The following ARL5A variants were observed in gnomAD, a reference collection of about 807,000 sequenced individuals.
The protein encoded by ARL5A is ARF like GTPase 5A.
Under a neutral mutation model 25.9 loss-of-function variants are expected in ARL5A, and 18 were observed. The ratio of observed to expected loss-of-function variants is 0.69; its 90% CI spans 0.48 to 1.03. The LOEUF (loss-of-function observed/expected upper bound fraction) is 1.03, where lower values mean the gene tolerates loss of function less well. Among genes scored for constraint, ARL5A ranks in the 50% least tolerant of loss-of-function variants. The pLI is 0.00. For missense variants in ARL5A, 170 were observed against 211.9 expected (o/e 0.80, Z 1.23); for synonymous variants, 61 against 67.5 (o/e 0.90, Z 0.47).
At chr2:151,812,762 T>C (rs2099831008) in intron 3 of ARL5A, among the ~76,000 whole-genome samples, 1 of 151,986 alleles carries the variant, frequency 6.6e-6, no homozygotes, top group African/African-American at 2.4e-5. Context: ...AAGAAAAACA[T>C]GCAATATGAT....
rs1268735467 is a variant in ARL5A at position 151,799,447 on chromosome 2, A to T, written c.*3829T>A. 6.6e-6 allele frequency: 1 copy of T among 152,206 alleles called. No individual in the cohort carries two copies. Among genetic ancestry groups the T allele is most frequent in the Non-Finnish European group, 1.5e-5 (1 of 68,022 alleles). The allele number at this position is 152,206 out of a possible 1,614,324, so 9.4% of individuals were successfully genotyped here. A position where few individuals can be genotyped will look rare whatever the true frequency, so the allele number is the denominator to read the frequency against. On this transcript the variant is annotated 3_prime_UTR_variant, in exon 6 of 6. Transcript: ENST00000295087. ...TGGTTTGGCATCTTTTTCCAAATCA[A>T]ACTGAACTGGTATTCTGTGAAACAT...
At chr2:151,812,583 A>G (rs2099830977) in intron 3 of ARL5A, 143 bp from the exon 4 acceptor site, 1 of 501,882 alleles carries the variant, frequency 2.0e-6, no homozygotes, top group African/African-American at 2.0e-5. Flanking sequence ...CTACCTATAC[A>G]TTGTGAAGCC....
At position 151,828,375 on chromosome 2, in the gene ARL5A, G is replaced by A; in HGVS notation, c.-199C>T. The A allele has an allele frequency of 2.2e-6, 1 of 459,204 alleles. No homozygotes were observed. The highest frequency in any genetic ancestry group is 3.8e-5 in the South Asian group (1 of 26,098). 28.4% of individuals were successfully genotyped at this position (459,204 alleles called of 1,614,324 possible). A position where few individuals can be genotyped will look rare whatever the true frequency, so the allele number is the denominator to read the frequency against. ...CCGCGCGCAAGGCCCCGCCGCTGCC[G>A]CCGCGGCACTCGCCTGGCTCGCGGA... On this transcript the variant is annotated 5_prime_UTR_variant, in exon 1 of 6. Transcript: ENST00000295087.
chr2:151,807,225 A>C (rs537082832), intron 4 of ARL5A, among the ~76,000 whole-genome samples: 1 of 152,108 alleles, frequency 6.6e-6, no homozygotes, highest in Admixed American at 6.5e-5. Flanking sequence ...TATATACACC[A>C]CCCACCCCCT....
At chr2:151,823,666 T>C (rs928318552) in intron 1 of ARL5A, among the ~76,000 whole-genome samples, 4 of 152,232 alleles carry the variant, frequency 2.6e-5, no homozygotes, top group Non-Finnish European at 5.9e-5. Context: ...GCAGATCTCG[T>C]TGGAGGGCAC....
At chr2:151,819,546 T>C (rs1378978021) in intron 1 of ARL5A, among the ~76,000 whole-genome samples, 1 of 152,200 alleles carries the variant, frequency 6.6e-6, no homozygotes, top group Non-Finnish European at 1.5e-5. Context: ...GATTGAATAA[T>C]AGTAGGACAT....
chr2:151,817,057 G>A (rs575535867), intron 1 of ARL5A, among the ~76,000 whole-genome samples: 3 of 152,150 alleles, frequency 2.0e-5, no homozygotes, highest in East Asian at 1.9e-4. Flanking sequence ...CAAGTTGAAG[G>A]GCATCTATAA....
chr2:151,824,988 A>T (rs1355256747), intron 1 of ARL5A, among the ~76,000 whole-genome samples: 1 of 152,228 alleles, frequency 6.6e-6, no homozygotes, highest in Non-Finnish European at 1.5e-5. Flanking sequence ...ATATTAAATC[A>T]AACAACCTGT....
chr2:151,821,775 CTTTTTTTTTTTTTCTTTTTTT>C (rs1479832869), intron 1 of ARL5A, among the ~76,000 whole-genome samples: 1 of 113,542 alleles, frequency 8.8e-6, no homozygotes, highest in Non-Finnish European at 1.8e-5. Context: ...GCCCGGCTTT[CTTTTTTTTTTTTTCTTTTTTT>C]TTTTTTTTTT....
chr2:151,819,558 C>A (rs1031174957), intron 1 of ARL5A, among the ~76,000 whole-genome samples: 1 of 151,998 alleles, frequency 6.6e-6, no homozygotes, highest in Non-Finnish European at 1.5e-5. Context: ...GTAGGACATA[C>A]CAGTGGAAAA....
intron 1 of ARL5A, among the ~76,000 whole-genome samples, chr2:151,826,928 C>CTGTGTGTGTGTG (rs202078189): frequency 2.7e-5 from 4 of 150,756 alleles, no homozygotes; most frequent in African/African-American, 9.7e-5. Context: ...ACCTACACAT[C>CTGTGTGTGTGTG]TGTGTGTGTG....
At chr2:151,809,245 G>A (rs2099830501) in intron 4 of ARL5A, among the ~76,000 whole-genome samples, 1 of 152,040 alleles carries the variant, frequency 6.6e-6, no homozygotes. Context: ...CAAATACTTG[G>A]CACAAGTTAG....
chr2:151,817,865 C>T (rs965697189), intron 1 of ARL5A, among the ~76,000 whole-genome samples: 2 of 152,092 alleles, frequency 1.3e-5, no homozygotes, highest in Non-Finnish European at 2.9e-5. Context: ...ATTAGCTGGG[C>T]GTGGTGGCAC....
intron 1 of ARL5A, among the ~76,000 whole-genome samples, chr2:151,820,403 T>C (rs1017059500): frequency 6.6e-6 from 1 of 152,152 alleles, no homozygotes; most frequent in African/African-American, 2.4e-5. Context: ...CTCACGCCTG[T>C]AATCCCAGCA....
At chr2:151,807,570 C>T (rs180698439) in intron 4 of ARL5A, among the ~76,000 whole-genome samples, 46 of 152,284 alleles carry the variant, frequency 3.0e-4, no homozygotes, top group African/African-American at 1.0e-3. Context: ...ACAGCTAGTA[C>T]CTTCTAGCTG....
intron 1 of ARL5A, among the ~76,000 whole-genome samples, chr2:151,822,515 T>C (rs956288958): frequency 2.6e-5 from 4 of 152,248 alleles, no homozygotes; most frequent in African/African-American, 4.8e-5. Context: ...AGCCTGTTCC[T>C]TTCATTAGCA....
chr2:151,812,303 G>C, intron 4 of ARL5A, 54 bp downstream of exon 4: 1 of 1,261,842 alleles, frequency 7.9e-7, no homozygotes, highest in Non-Finnish European at 1.1e-6. Flanking sequence ...AGAAAACAAA[G>C]TATCGATTCC....
chr2:151,820,705 A>G (rs1393189370), intron 1 of ARL5A, among the ~76,000 whole-genome samples: 1 of 141,786 alleles, frequency 7.1e-6, no homozygotes, highest in African/African-American at 2.5e-5. Flanking sequence ...TATGTCTGGC[A>G]TGGTGGAAAA....
chr2:151,814,571 T>C (rs1005188631), intron 2 of ARL5A, among the ~76,000 whole-genome samples: 27 of 151,958 alleles, frequency 1.8e-4, no homozygotes, highest in African/African-American at 6.3e-4. Flanking sequence ...TTTTTTAATG[T>C]TACCCAGGCC....
Sources: gnomAD v4.1 joint callset for allele counts (sites outside exome capture counted in the v4.1 genomes callset) on GRCh38, gnomAD v4.1.1 for gene constraint, MANE v1.5 for transcripts, NCBI Gene and HGNC (gene_info 2026-07-23, HGNC 2026-07-21) for gene names.